The following CDH18 variants were observed in gnomAD, a reference collection of about 807,000 sequenced individuals.
CDH18 encodes the protein cadherin 18, also known as cadherin-18.
In CDH18, 31 loss-of-function variants were observed where a neutral mutation model predicts 67.9. That is an observed-to-expected ratio of 0.46 (90% CI 0.34 to 0.62). The LOEUF is 0.62. Among genes scored for constraint, CDH18 ranks in the 20% least tolerant of loss-of-function variants. CDH18 has a pLI of 0.01. For synonymous variants in CDH18, 362 were observed against 347.2 expected, an observed-to-expected ratio of 1.04 and a Z score of -0.48; for missense variants, 890 against 975.5, an observed-to-expected ratio of 0.91 and a Z score of 1.17.
intron 2 of CDH18, among the ~76,000 whole-genome samples, chr5:20,214,523 A>C (rs139911396): frequency 0.011 from 1,687 of 152,164 alleles, 32 homozygotes; most frequent in African/African-American, 0.038. Context: ...AGAGCCCAGA[A>C]ATAAGGCTGC....
intron 2 of CDH18, among the ~76,000 whole-genome samples, chr5:19,898,323 A>T (rs1189822647): frequency 2.0e-5 from 3 of 148,920 alleles, no homozygotes; most frequent in African/African-American, 7.4e-5. Flanking sequence ...TTCCTATTTT[A>T]CATGTAGTCC....
intron 8 of CDH18, among the ~76,000 whole-genome samples, chr5:19,560,569 A>G (rs1367088138): frequency 6.6e-6 from 1 of 152,186 alleles, no homozygotes; most frequent in Non-Finnish European, 1.5e-5. Flanking sequence ...CTAGAAGATA[A>G]CATTGGAAAA....
At chr5:19,994,829 AATATAT>A (rs1554078421) in intron 2 of CDH18, among the ~76,000 whole-genome samples, 43 of 21,008 alleles carry the variant, frequency 2.0e-3, no homozygotes, top group South Asian at 3.1e-3. Context: ...ATATAAAGAG[AATATAT>A]ATATATATAT....
chr5:19,909,425 G>A (rs1262374015), intron 2 of CDH18, among the ~76,000 whole-genome samples: 2 of 150,294 alleles, frequency 1.3e-5, no homozygotes, highest in Admixed American at 6.7e-5. Context: ...TCAGCCTCCC[G>A]AGTAGCTGGA....
chr5:19,589,288 G>C (rs1157766412), intron 7 of CDH18, among the ~76,000 whole-genome samples: 1 of 152,056 alleles, frequency 6.6e-6, no homozygotes. Context: ...CTCCTGAACA[G>C]CGTCCCTTGG....
chr5:20,402,527 A>G (rs180862345), intron 1 of CDH18, among the ~76,000 whole-genome samples: 10 of 152,352 alleles, frequency 6.6e-5, no homozygotes, highest in Admixed American at 6.5e-4. Flanking sequence ...TGAAGATAGA[A>G]ATAAATTGGG....
chr5:20,535,424 A>T (rs1756655349), intron 1 of CDH18, among the ~76,000 whole-genome samples: 1 of 152,056 alleles, frequency 6.6e-6, no homozygotes, highest in African/African-American at 2.4e-5. Context: ...ACTTTTAAGG[A>T]CCCATGTAAT....
chr5:20,377,453 T>C (rs1743554522), intron 1 of CDH18, among the ~76,000 whole-genome samples: 2 of 152,220 alleles, frequency 1.3e-5, no homozygotes, highest in Non-Finnish European at 2.9e-5. Context: ...ACATCCCTTA[T>C]ACACTAGTTA....
At chr5:19,646,778 A>G (rs1022507879) in intron 5 of CDH18, among the ~76,000 whole-genome samples, 16 of 152,238 alleles carry the variant, frequency 1.1e-4, no homozygotes, top group African/African-American at 3.6e-4. Flanking sequence ...TGAGAGAGCA[A>G]TGCTAATACA....
chr5:19,726,589 G>T (rs1766877255), intron 4 of CDH18, among the ~76,000 whole-genome samples: 2 of 152,138 alleles, frequency 1.3e-5, no homozygotes, highest in African/African-American at 4.8e-5. Context: ...GAAATCTCTT[G>T]CCCTACTGTT....
intron 2 of CDH18, among the ~76,000 whole-genome samples, chr5:20,072,194 A>G (rs1476898513): frequency 6.6e-6 from 1 of 152,088 alleles, no homozygotes; most frequent in East Asian, 1.9e-4. Context: ...CTACACAGTA[A>G]CTAAAAATTG....
intron 1 of CDH18, among the ~76,000 whole-genome samples, chr5:20,435,719 C>G (rs569795744): frequency 5.3e-5 from 8 of 152,086 alleles, no homozygotes; most frequent in Non-Finnish European, 8.8e-5. Context: ...AATGCAAATT[C>G]AACACCAGGA....
At chr5:20,555,386 A>T (rs1285638768) in intron 1 of CDH18, among the ~76,000 whole-genome samples, 2 of 126,838 alleles carry the variant, frequency 1.6e-5, no homozygotes, top group African/African-American at 6.2e-5. Context: ...AAGACAAGCC[A>T]GAACCACCAA....
intron 4 of CDH18, among the ~76,000 whole-genome samples, chr5:19,739,986 A>G (rs1044563816): frequency 1.3e-5 from 2 of 151,416 alleles, no homozygotes; most frequent in Admixed American, 1.3e-4. Context: ...ATTGGAGGTG[A>G]AAAAAAAAGA....
chr5:20,509,640 C>CCACCAAGCTGGCCAGGATAGTCTG (rs1754899832), intron 1 of CDH18, among the ~76,000 whole-genome samples: 1 of 2,296 alleles, frequency 4.4e-4, no homozygotes, highest in Non-Finnish European at 1.4e-3. Context: ...AGGATAGTCT[C>CCACCAAGCTGGCCAGGATAGTCTG]GATCTCCTGA....
intron 2 of CDH18, among the ~76,000 whole-genome samples, chr5:19,843,473 A>G (rs536485846): frequency 6.9e-6 from 1 of 145,942 alleles, no homozygotes; most frequent in Non-Finnish European, 1.5e-5. Flanking sequence ...GAGGATGTAT[A>G]GGAACACCTG....
rs1794218274 is a variant in CDH18, at chr5:19,936,003, G to A, written c.-257+45057C>T. On this transcript the variant is annotated intron_variant, in intron 2 of 12. Coordinates refer to ENST00000382275, the MANE Select transcript of CDH18 (RefSeq NM_004934.5). ...AGTTTCTGTAGATCACATATAGGAA[G>A]TTCTGCATAATCATAGTGATGAAAA... 3.3e-5 allele frequency among the ~76,000 whole-genome samples: 5 copies of A among 151,156 alleles called. No homozygotes were observed. In the South Asian group the frequency reaches 1.0e-3, roughly 31 times the overall value.
intron 2 of CDH18, among the ~76,000 whole-genome samples, chr5:19,907,125 A>T (rs1439225167): frequency 6.6e-6 from 1 of 152,038 alleles, no homozygotes; most frequent in East Asian, 1.9e-4. Context: ...GGCAACCATT[A>T]TATGATTAGG....
chr5:20,478,719 C>G (rs1647042819), intron 1 of CDH18, among the ~76,000 whole-genome samples: 1 of 148,640 alleles, frequency 6.7e-6, no homozygotes, highest in Non-Finnish European at 1.5e-5. Context: ...GCTGGATTCA[C>G]CACGTACTGA....
Sources: allele counts gnomAD v4.1 joint callset (sites outside exome capture counted in the v4.1 genomes callset), GRCh38; gene constraint gnomAD v4.1.1; transcripts MANE v1.5; gene names NCBI Gene and HGNC (gene_info 2026-07-23, HGNC 2026-07-21).